The following STK31 variants were observed in gnomAD, a reference collection of about 807,000 sequenced individuals.
The protein encoded by STK31 is serine/threonine-protein kinase 31.
Under a neutral mutation model 129.7 loss-of-function variants are expected in STK31, and 89 were observed. The ratio of observed to expected loss-of-function variants is 0.69; its 90% CI spans 0.58 to 0.82. The LOEUF is 0.82. Ranked by LOEUF, STK31 falls within the 40% of genes least tolerant of loss-of-function variation. The probability of loss-of-function intolerance (pLI) is 0.00; values close to 1 mark genes in which losing one functional copy is unlikely to be tolerated. For synonymous variants in STK31, 448 were observed against 395.3 expected (o/e 1.13, Z -1.58); for missense variants, 1,187 against 1,176.4 (o/e 1.01, Z -0.13).
At chr7:23,746,103 A>G (rs371970360) in intron 8 of STK31, among the ~76,000 whole-genome samples, 3 of 152,192 alleles carry the variant, frequency 2.0e-5, no homozygotes, top group East Asian at 1.9e-4. Context: ...GCCCTAGACC[A>G]TGATGCAGTC....
intron 22 of STK31, among the ~76,000 whole-genome samples, chr7:23,797,163 G>C (rs904089230): frequency 6.6e-6 from 1 of 151,944 alleles, no homozygotes; most frequent in Non-Finnish European, 1.5e-5. Context: ...CACAATAATA[G>C]TGGGAGACTT....
intron 8 of STK31, among the ~76,000 whole-genome samples, chr7:23,747,201 A>G (rs1036407243): frequency 2.6e-5 from 4 of 152,030 alleles, no homozygotes; most frequent in African/African-American, 9.7e-5. Context: ...TGAGTTTGGA[A>G]GTATTTCCTC....
intron 23 of STK31, among the ~76,000 whole-genome samples, chr7:23,828,205 A>G (rs1459693266): frequency 6.6e-6 from 1 of 151,114 alleles, no homozygotes; most frequent in Non-Finnish European, 1.5e-5. Flanking sequence ...GAGCCTACAG[A>G]GGCAGGGAGG....
chr7:23,813,079 T>TC (rs1793246459), intron 22 of STK31, among the ~76,000 whole-genome samples: 1 of 19,680 alleles, frequency 5.1e-5, no homozygotes, highest in Non-Finnish European at 1.1e-4. Context: ...CTCTCTGTTC[T>TC]TTTTTTTTTT....
chr7:23,754,340 G>A lies in STK31; in HGVS notation c.1159G>A (p.Gly387Arg), dbSNP rs372548842. 6.2e-6 allele frequency: 10 copies of A among 1,610,710 alleles called. No individual in the cohort carries two copies. Among genetic ancestry groups the A allele is most frequent in the Middle Eastern group, 1.7e-4 (1 of 6,052 alleles). The change falls in exon 10 of 24, where the codon GGA (glycine) becomes AGA (arginine). Residue 387 changes from glycine (G) to arginine (R), a missense_variant. By Grantham distance (125) the Gly-to-Arg change is moderately radical (BLOSUM62 -2). Transcript: ENST00000355870. Reference sequence around the variant, plus strand: ...GCATGTCGACATCAGTGTCCGTTTCGGAAAAGACCTTTCAGATGCTATACA... The same window carrying A: ...GCATGTCGACATCAGTGTCCGTTTCAGAAAAGACCTTTCAGATGCTATACA... ...MRHVDISVRFGKDLSDAIQVL... is the reference protein window; with the variant it reads ...MRHVDISVRFRKDLSDAIQVL...
intron 4 of STK31, among the ~76,000 whole-genome samples, chr7:23,726,587 A>G (rs1474139098): frequency 6.6e-6 from 1 of 151,412 alleles, no homozygotes; most frequent in Non-Finnish European, 1.5e-5. Context: ...ACTGCACTCC[A>G]GGCCTGGCGA....
At chr7:23,808,963 G>GTA (rs1792903857) in intron 22 of STK31, among the ~76,000 whole-genome samples, 1 of 142,304 alleles carries the variant, frequency 7.0e-6, no homozygotes, top group East Asian at 2.1e-4. Context: ...GTGTGTGTGT[G>GTA]TGTGTGTGCC....
intron 8 of STK31, among the ~76,000 whole-genome samples, chr7:23,751,757 C>G (rs1023105531): frequency 7.2e-5 from 11 of 152,120 alleles, no homozygotes; most frequent in African/African-American, 2.7e-4. Context: ...TGCAAATATA[C>G]ATTTAGAATT....
intron 22 of STK31, among the ~76,000 whole-genome samples, chr7:23,802,481 C>T (rs944694224): frequency 4.6e-5 from 7 of 151,976 alleles, no homozygotes; most frequent in African/African-American, 9.7e-5. Flanking sequence ...GTGGACAGCA[C>T]GGAGACGTTT....
chr7:23,795,192 C>T (rs1364735119), intron 22 of STK31, among the ~76,000 whole-genome samples: 3 of 152,208 alleles, frequency 2.0e-5, no homozygotes, highest in Non-Finnish European at 4.4e-5. Context: ...GGCCCACGGT[C>T]CCCCTGCTGT....
Position 23,772,229 on chromosome 7 carries a change from T to C in STK31, c.1916T>C (p.Leu639Ser), listed in dbSNP as rs1294756506. 6.2e-7 allele frequency: 1 copy of C among 1,609,502 alleles called. No individual in the cohort carries two copies. The highest frequency in any genetic ancestry group is 8.5e-7 in the Non-Finnish European group (1 of 1,178,182). Residue 639 changes from leucine (L) to serine (S), a missense_variant, in exon 15 of 24, where the codon TTA becomes TCA. Around this residue, in one of 5 missense-constraint regions of STK31, gnomAD observed 975 missense variants for 934.9 expected, o/e 1.04. Coordinates refer to ENST00000355870, the MANE Select transcript of STK31 (RefSeq NM_031414.5). ...TCCATTAAGAAGACATTGAAAAGCT[T>C]AAAAGCTCTACTCAGATGGAAATTG... ...LLSIKKTLKS[L>S]KALLRWKLVE...
chr7:23,762,909 T>C lies in STK31; in HGVS notation c.1402T>C (p.Leu468=). ...EVDESSLNKR[L]KTLQDLSVSL... is the part of the protein sequence containing the mutation. The stretch of plus-strand genomic sequence containing the variant: ...TGATGAGTCATCTCTTAATAAACGC[T>C]TAAAAACATTGCAGGTTGGAATTAA... The change falls in exon 11 of 24, where the codon TTA becomes CTA. Residue 468 remains leucine, a synonymous_variant. Transcript: ENST00000355870. 1 of 1,578,194 alleles carries C rather than the reference T, an allele frequency of 6.3e-7. No homozygotes were observed. The highest frequency in any genetic ancestry group is 1.2e-5 in the South Asian group (1 of 81,814).
chr7:23,736,916 T>A lies in STK31; in HGVS notation c.855T>A (p.Ala285=). ...TTTGTTTTTATAGGGAAAGTTTGGC[T>A]GTTGGTGACTTTAATTTAGGGTCTA... The part of the protein sequence containing the change: ...NLITFPKESL[A]VGDFNLGSNV... The change falls in exon 8 of 24, where the codon GCT becomes GCA. Residue 285 remains alanine (A), a synonymous_variant. Coordinates refer to ENST00000355870, the MANE Select transcript of STK31 (RefSeq NM_031414.5). 5 of 1,603,808 alleles carry A rather than the reference T, an allele frequency of 3.1e-6. No individual in the cohort carries two copies. Among genetic ancestry groups the A allele is most frequent in the Non-Finnish European group, 4.3e-6 (5 of 1,176,396 alleles).
At chr7:23,721,542 T>G (rs1359548868) in intron 4 of STK31, 3 of 750,512 alleles carry the variant, frequency 4.0e-6, no homozygotes, top group Non-Finnish European at 6.3e-6. Context: ...TTAACTCTCT[T>G]TTTTTTTTTC....
At chr7:23,729,389 A>G (rs867216006) in intron 6 of STK31, 140 bp downstream of exon 6, 1 of 744,850 alleles carries the variant, frequency 1.3e-6, no homozygotes, top group East Asian at 3.0e-5. Flanking sequence ...TTAGAAAGCA[A>G]TTATATATTT....
At chr7:23,768,417 A>G (rs996426929) in intron 11 of STK31, among the ~76,000 whole-genome samples, 2 of 152,210 alleles carry the variant, frequency 1.3e-5, no homozygotes, top group Admixed American at 6.5e-5. Flanking sequence ...GTCCATATAT[A>G]TGTTTAATGT....
chr7:23,727,089 C>A, intron 4 of STK31, 152 bp from the exon 5 acceptor site: 1 of 645,972 alleles, frequency 1.5e-6, no homozygotes, highest in Non-Finnish European at 2.7e-6. Context: ...GTGGCATAAA[C>A]AAAGTACCTG....
chr7:23,800,228 A>G (rs1282148703), intron 22 of STK31, among the ~76,000 whole-genome samples: 1 of 152,228 alleles, frequency 6.6e-6, no homozygotes, highest in Non-Finnish European at 1.5e-5. Flanking sequence ...CAATCGCATT[A>G]CTGGGTATAT....
intron 11 of STK31, among the ~76,000 whole-genome samples, chr7:23,768,628 T>C (rs1036111358): frequency 6.6e-6 from 1 of 152,138 alleles, no homozygotes; most frequent in Non-Finnish European, 1.5e-5. Context: ...GGATGATAGA[T>C]ACACTAAAGC....
Sources: gnomAD v4.1 joint callset for allele counts (sites outside exome capture counted in the v4.1 genomes callset) on GRCh38, gnomAD v4.1.1 for gene constraint, gnomAD v4.1.1 regional missense constraint, MANE v1.5 for transcripts, NCBI Gene and HGNC (gene_info 2026-07-23, HGNC 2026-07-21) for gene names.